The following CRACDL variants were observed in gnomAD, a reference collection of about 807,000 sequenced individuals.
CRACDL encodes the protein CRACD-like protein.
Under a neutral mutation model 70.6 loss-of-function variants are expected in CRACDL, and 26 were observed. That is an observed-to-expected ratio of 0.37 (90% CI 0.27 to 0.51). The LOEUF is 0.51. CRACDL is among the 20% of genes least tolerant of loss of function. CRACDL has a pLI of 0.94. For synonymous variants in CRACDL, 618 were observed against 615.2 expected (o/e 1.00, Z -0.07); for missense variants, 1,283 against 1,376.9 (o/e 0.93, Z 1.08).
At chr2:98,853,013 GAGGGGAAGGGA>G (rs1244698564) in intron 1 of CRACDL, among the ~76,000 whole-genome samples, 1 of 120,338 alleles carries the variant, frequency 8.3e-6, no homozygotes, top group African/African-American at 3.1e-5. Flanking sequence ...GAGGGGAGGG[GAGGGGAAGGGA>G]AGGGAAAGGG....
chr2:98,822,353 C>T lies in CRACDL; in HGVS notation c.1920G>A (p.Ser640=). 1.4e-6 allele frequency: 2 copies of T among 1,468,024 alleles called. No homozygotes were observed. The highest frequency in any genetic ancestry group is 1.8e-6 in the Non-Finnish European group (2 of 1,119,728). 90.9% of individuals were successfully genotyped at this position (1,468,024 alleles called of 1,614,324 possible). ...RKLAERGPQD[S]GDRAASPAGP... is the part of the protein sequence containing the mutation. ...CGGCCGGGCTGGCCGCCCTGTCCCCCGAGTCCTGAGGGCCGCGCTCCGCCA... is the reference window on the plus strand; with the variant it reads ...CGGCCGGGCTGGCCGCCCTGTCCCCTGAGTCCTGAGGGCCGCGCTCCGCCA... Residue 640 remains serine, a synonymous_variant, in exon 7 of 10, where the codon TCG becomes TCA. Coordinates refer to ENST00000397899, the MANE Select transcript of CRACDL (RefSeq NM_207362.3). The surrounding 1 kb of genome is among the most constrained non-coding windows in gnomAD (Gnocchi z 4.9).
chr2:98,880,895 C>T (rs1707631821), intron 1 of CRACDL, among the ~76,000 whole-genome samples: 1 of 152,254 alleles, frequency 6.6e-6, no homozygotes, highest in Non-Finnish European at 1.5e-5. Context: ...CTCCCCTACT[C>T]ACTTGGCCCC....
intron 1 of CRACDL, 77 bp from the exon 2 acceptor site, chr2:98,846,887 T>C (rs1706278882): frequency 8.2e-7 from 1 of 1,225,860 alleles, no homozygotes; most frequent in Non-Finnish European, 1.2e-6. Flanking sequence ...TGTTCGTGAC[T>C]GCATTTGCCA....
intron 2 of CRACDL, among the ~76,000 whole-genome samples, chr2:98,845,442 A>G (rs943837294): frequency 1.3e-5 from 2 of 151,378 alleles, no homozygotes; most frequent in Non-Finnish European, 2.9e-5. Flanking sequence ...CAATCCTCCC[A>G]CCTCGGCCTC....
At chr2:98,827,928 A>G (rs1296831214) in intron 5 of CRACDL, among the ~76,000 whole-genome samples, 1 of 152,202 alleles carries the variant, frequency 6.6e-6, no homozygotes, top group Non-Finnish European at 1.5e-5. Context: ...GTATTCCATC[A>G]CTGGAGCCCT....
At chr2:98,844,897 C>T (rs1486039528) in intron 2 of CRACDL, among the ~76,000 whole-genome samples, 1 of 152,218 alleles carries the variant, frequency 6.6e-6, no homozygotes, top group East Asian at 1.9e-4. Flanking sequence ...GGTTGAGGTT[C>T]TCTGAATTAC....
intron 7 of CRACDL, among the ~76,000 whole-genome samples, chr2:98,806,103 G>A (rs1315021398): frequency 6.6e-6 from 1 of 151,974 alleles, no homozygotes; most frequent in Non-Finnish European, 1.5e-5. Flanking sequence ...ATCCATCATG[G>A]GGTGGGGTGA....
chr2:98,912,075 G>A (rs918846295), intron 1 of CRACDL, among the ~76,000 whole-genome samples: 3 of 152,198 alleles, frequency 2.0e-5, no homozygotes, highest in Non-Finnish European at 4.4e-5. Context: ...GCCCTAATGA[G>A]CAGAGAGTGA....
chr2:98,920,476 C>A (rs1293024537), intron 1 of CRACDL, among the ~76,000 whole-genome samples: 2 of 152,162 alleles, frequency 1.3e-5, no homozygotes, highest in Non-Finnish European at 2.9e-5. Flanking sequence ...AGGGCTGTCA[C>A]CACCAAGGGG....
At chr2:98,805,055 G>C (rs1020513080) in intron 7 of CRACDL, among the ~76,000 whole-genome samples, 1 of 152,108 alleles carries the variant, frequency 6.6e-6, no homozygotes. Flanking sequence ...ATGGAGACAG[G>C]CTCTCCTGCA....
At chr2:98,857,857 A>G (rs971617677) in intron 1 of CRACDL, among the ~76,000 whole-genome samples, 1 of 152,192 alleles carries the variant, frequency 6.6e-6, no homozygotes, top group Admixed American at 6.5e-5. Flanking sequence ...GTATGTGTGT[A>G]TATATATGCA....
In CRACDL at chr2:98,794,760, C is replaced by T. The variant is rs190707107; in HGVS notation, c.2750-89G>A. The T allele has an allele frequency of 1.3e-3, 1,450 of 1,136,612 alleles. 8 individuals carry two copies. The African/African-American group carries it at 0.016, about 13-fold the overall frequency. 70.4% of individuals were successfully genotyped at this position (1,136,612 alleles called of 1,614,324 possible). On this transcript the variant is annotated intron_variant, in intron 9 of 9. Transcript: ENST00000397899. ...CTCTTGTGTTTCTCGAACTAGACAT[C>T]GAGGTCTTAACTGTGTTCTCGAACA...
chr2:98,876,001 C>T (rs987156684), intron 1 of CRACDL, among the ~76,000 whole-genome samples: 3 of 152,212 alleles, frequency 2.0e-5, no homozygotes, highest in Non-Finnish European at 4.4e-5. Context: ...TTCCATCAGT[C>T]AGCCGGACCC....
chr2:98,857,437 C>A (rs1706749594), intron 1 of CRACDL, among the ~76,000 whole-genome samples: 1 of 151,980 alleles, frequency 6.6e-6, no homozygotes, highest in Non-Finnish European at 1.5e-5. Flanking sequence ...GGGAATAAAA[C>A]TACTAAGGAG....
chr2:98,839,334 T>C (rs1177382470), intron 2 of CRACDL, among the ~76,000 whole-genome samples: 1 of 152,254 alleles, frequency 6.6e-6, no homozygotes, highest in Non-Finnish European at 1.5e-5. Context: ...TTTTCTCACC[T>C]TCTAGTGTGG....
rs767596426 is a variant in CRACDL at position 98,827,163 on chromosome 2, C to T, written c.547G>A (p.Val183Ile). Residue 183 changes from valine (V) to isoleucine (I), a missense_variant, in exon 6 of 10, where the codon GTC becomes ATC. Transcript: ENST00000397899. ...TCGCTCACGTGGTCTGGAGACACGA[C>T]AGAGACCTTCGTGGGACAAGGAACA... ...VGPGTTIKVS[V>I]VSPDHVSDST... The T allele has an allele frequency of 1.2e-6, 2 of 1,612,566 alleles. No individual in the cohort carries two copies. The highest frequency in any genetic ancestry group is 2.7e-5 in the African/African-American group (2 of 74,890).
At chr2:98,836,209 G>A (rs1039965911) in intron 3 of CRACDL, among the ~76,000 whole-genome samples, 9 of 152,130 alleles carry the variant, frequency 5.9e-5, no homozygotes, top group Non-Finnish European at 1.3e-4. Context: ...ATAAATGGGC[G>A]TCACTTTATT....
At chr2:98,862,703 C>T (rs975663207) in intron 1 of CRACDL, among the ~76,000 whole-genome samples, 1 of 151,760 alleles carries the variant, frequency 6.6e-6, no homozygotes, top group Admixed American at 6.6e-5. Flanking sequence ...AATCTGCAAA[C>T]TTGAAGATAT....
intron 1 of CRACDL, among the ~76,000 whole-genome samples, chr2:98,866,934 C>T (rs1707169851): frequency 6.6e-6 from 1 of 152,290 alleles, no homozygotes; most frequent in Admixed American, 6.5e-5. Context: ...ATCATCTACC[C>T]TATAGCCACA....
Sources: allele counts gnomAD v4.1 joint callset (sites outside exome capture counted in the v4.1 genomes callset), GRCh38; gene constraint gnomAD v4.1.1; non-coding constraint Gnocchi (gnomAD v3.1); transcripts MANE v1.5; gene names NCBI Gene and HGNC (gene_info 2026-07-23, HGNC 2026-07-21).